MKLN1: variants seen among roughly 807,000 people sequenced by gnomAD.
The protein encoded by MKLN1 is muskelin 1.
In MKLN1, 18 loss-of-function variants were observed where a neutral mutation model predicts 99.0. The ratio of observed to expected loss-of-function variants is 0.18; its 90% CI spans 0.13 to 0.27. MKLN1 has a LOEUF of 0.27. Among genes scored for constraint, MKLN1 ranks in the 10% least tolerant of loss-of-function variants. The pLI is 1.00. For synonymous variants in MKLN1, 288 were observed against 293.2 expected (o/e 0.98, Z 0.18); for missense variants, 621 against 875.9 (o/e 0.71, Z 3.67).
At chr7:131,340,886 A>C (rs1348199484) in intron 1 of MKLN1, among the ~76,000 whole-genome samples, 1 of 152,152 alleles carries the variant, frequency 6.6e-6, no homozygotes, top group Non-Finnish European at 1.5e-5. Context: ...CTTAAGTGAA[A>C]TTGGTTATAT....
rs1584712846 is a variant in MKLN1, at chr7:131,411,481, AAAG to A, written c.781+103_781+105del. On this transcript the variant is annotated intron_variant, in intron 7 of 17. Transcript: ENST00000352689. ...AGTATCATAGTACTAAGTTAATAAA[AAAG>A]AAGATGTTGGCCAGTTGCAGTGGCT... The A allele has an allele frequency of 4.8e-6, 4 of 833,466 alleles. No individual in the cohort carries two copies. In the East Asian group the frequency reaches 1.0e-4, roughly 22 times the overall value. The allele number at this position is 833,466 out of a possible 1,614,324, so 51.6% of individuals were successfully genotyped here.
intron 12 of MKLN1, among the ~76,000 whole-genome samples, chr7:131,447,699 A>G (rs1157110096): frequency 1.3e-5 from 2 of 152,242 alleles, no homozygotes; most frequent in Non-Finnish European, 2.9e-5. Context: ...ATACAAGGCA[A>G]TCACAGTCTC....
chr7:131,233,198 A>G lies in MKLN1; in HGVS notation c.-179+30224A>G, dbSNP rs558116713. On this transcript the variant is annotated intron_variant, in intron 3 of 7. Transcript: ENST00000416992. Reference sequence around the variant, plus strand: ...TGGCAAAAAACAAACAAACAAAAAAACAAAGCAAAACCCAAAAATGAAATT... The same window carrying G: ...TGGCAAAAAACAAACAAACAAAAAAGCAAAGCAAAACCCAAAAATGAAATT... Among the ~76,000 whole-genome samples, 5 of 152,084 alleles carry G rather than the reference A, an allele frequency of 3.3e-5. No individual in the cohort carries two copies. In the East Asian group the frequency reaches 9.7e-4, roughly 29 times the overall value.
intron 2 of MKLN1, among the ~76,000 whole-genome samples, chr7:131,175,864 C>T (rs995087902): frequency 1.1e-4 from 16 of 151,880 alleles, no homozygotes; most frequent in Non-Finnish European, 1.9e-4. Context: ...TGCACCATTG[C>T]ACTCCAGCCT....
At chr7:131,160,464 ATGTT>A (rs1045612510) in intron 2 of MKLN1, among the ~76,000 whole-genome samples, 1 of 148,314 alleles carries the variant, frequency 6.7e-6, no homozygotes, top group African/African-American at 2.5e-5. Context: ...AGGGAACTCT[ATGTT>A]TAACTTATTT....
intron 8 of MKLN1, among the ~76,000 whole-genome samples, chr7:131,428,393 T>C (rs1160277554): frequency 6.6e-6 from 1 of 152,082 alleles, no homozygotes; most frequent in Non-Finnish European, 1.5e-5. Flanking sequence ...TCTGGAAAAA[T>C]TTCTCCCAGT....
intron 16 of MKLN1, among the ~76,000 whole-genome samples, chr7:131,474,964 G>C (rs1287413031): frequency 6.6e-6 from 1 of 152,056 alleles, no homozygotes; most frequent in East Asian, 1.9e-4. Flanking sequence ...TGACAATGAG[G>C]GGGGAAATGC....
chr7:131,420,303 G>A (rs773082789), intron 8 of MKLN1, among the ~76,000 whole-genome samples: 1 of 151,862 alleles, frequency 6.6e-6, no homozygotes, highest in Non-Finnish European at 1.5e-5. Context: ...GGGAGCACAT[G>A]GTGGCAGGGA....
chr7:131,197,382 TTATTATTA>T lies in MKLN1; in HGVS notation c.-296-5473_-296-5466del, dbSNP rs1404153462. 6.7e-4 allele frequency among the ~76,000 whole-genome samples: 5 copies of T among 7,502 alleles called. No homozygotes were observed. The East Asian group carries it at 0.027, about 40-fold the overall frequency. The allele number at this position is 7,502 out of a possible 152,430, so 4.9% of individuals were successfully genotyped here. On this transcript the variant is annotated intron_variant, in intron 2 of 7. Transcript: ENST00000416992. Reference sequence around the variant, plus strand: ...CCATGCCCAGTTAATTAAAATTTTATTATTATTATTATTATTATTATTATTATTATTAT... The same window carrying T: ...CCATGCCCAGTTAATTAAAATTTTATTTATTATTATTATTATTATTATTAT...
chr7:131,480,574 T>C (rs1797094392), intron 17 of MKLN1, among the ~76,000 whole-genome samples: 1 of 152,206 alleles, frequency 6.6e-6, no homozygotes, highest in African/African-American at 2.4e-5. Flanking sequence ...AGCAGACTGC[T>C]ATAAACGTGA....
At position 131,478,663 on chromosome 7, in the gene MKLN1, AT is replaced by A; in HGVS notation, c.2076del (p.Phe692LeufsTer23). 6.3e-7 allele frequency: 1 copy of A among 1,580,308 alleles called. No individual in the cohort carries two copies. Reference protein sequence around the residue: ...LASALFKSGSDFTALGFSDVD... With the variant: ...LASALFKSGSXFTALGFSDVD... ...TCAGCTCTATTCAAATCTGGTTCAG[AT>A]TTTACAGCTCTGGGTAAGTATTGCA... On this transcript the variant is annotated frameshift_variant, in exon 17 of 18. Transcript: ENST00000352689. LOFTEE classifies it high-confidence loss of function.
chr7:131,453,009 T>C (rs115496018), intron 12 of MKLN1, among the ~76,000 whole-genome samples: 3,329 of 152,306 alleles, frequency 0.022, 113 homozygotes, highest in African/African-American at 0.076. Flanking sequence ...GCTGTCAGTT[T>C]AGTATGTTTT....
chr7:131,112,756 G>A (rs1362035336), intron 1 of MKLN1, among the ~76,000 whole-genome samples: 2 of 152,212 alleles, frequency 1.3e-5, no homozygotes, highest in African/African-American at 2.4e-5. Context: ...TCAAAGTGGT[G>A]GAATGATGGA....
intron 3 of MKLN1, among the ~76,000 whole-genome samples, chr7:131,264,439 A>T (rs1334579058): frequency 6.6e-6 from 1 of 152,232 alleles, no homozygotes; most frequent in Non-Finnish European, 1.5e-5. Flanking sequence ...CTTGTCTTTT[A>T]GCTACTATAC....
chr7:131,114,543 A>C (rs1290836270), intron 1 of MKLN1, among the ~76,000 whole-genome samples: 1 of 152,198 alleles, frequency 6.6e-6, no homozygotes, highest in Non-Finnish European at 1.5e-5. Flanking sequence ...GGAAAGAAAA[A>C]ATACAGGGGA....
At chr7:131,431,048 A>T (rs146191691) in intron 9 of MKLN1, among the ~76,000 whole-genome samples, 34 of 152,220 alleles carry the variant, frequency 2.2e-4, no homozygotes, top group Non-Finnish European at 4.4e-4. Context: ...ACATGGTGGA[A>T]CCCCATCTGC....
chr7:131,342,465 C>A (rs906255023), intron 1 of MKLN1, among the ~76,000 whole-genome samples: 1 of 152,074 alleles, frequency 6.6e-6, no homozygotes, highest in Non-Finnish European at 1.5e-5. Flanking sequence ...AGTTGAAACT[C>A]GGTGTTTTTT....
At position 131,443,655 on chromosome 7, in the gene MKLN1, C is replaced by A. The variant is rs747860521; in HGVS notation, c.1348C>A (p.Pro450Thr). The A allele has an allele frequency of 3.7e-6, 6 of 1,614,070 alleles. No individual in the cohort carries two copies. Among genetic ancestry groups the A allele is most frequent in the Non-Finnish European group, 4.2e-6 (5 of 1,179,918 alleles). ...TCGAGAGGACTCCTGTAATGCTGGG[C>A]CTGAGGACATCCAGTCTCGAATAGG... ...LLREDSCNAG[P>T]EDIQSRIGHC... The change falls in exon 11 of 18, where the codon CCT becomes ACT. Residue 450 changes from proline to threonine, a missense_variant. Pro to Thr is a conservative substitution (Grantham distance 38). This residue lies in a region of MKLN1 where 361 missense variants were observed against 540.8 expected (regional missense o/e 0.67). Transcript: ENST00000352689.
In MKLN1 at chr7:131,370,033, T is replaced by C. The variant is rs139361568; in HGVS notation, c.99-5391T>C. On this transcript the variant is annotated intron_variant, in intron 1 of 17. Transcript: ENST00000352689. The stretch of plus-strand genomic sequence containing the variant: ...TTGTATTTTTAGTATTAACGGGGTT[T>C]CACCATGTTAGCCAGGCTGGTCTCA... Among the ~76,000 whole-genome samples the C allele has an allele frequency of 3.5e-3, 531 of 152,350 alleles. 2 individuals are homozygous for C. Among genetic ancestry groups the C allele is most frequent in the African/African-American group, 0.012 (505 of 41,590 alleles).
Sources: allele counts gnomAD v4.1 joint callset (sites outside exome capture counted in the v4.1 genomes callset), GRCh38; gene constraint gnomAD v4.1.1; regional missense constraint gnomAD v4.1.1; transcripts MANE v1.5; gene names NCBI Gene and HGNC (gene_info 2026-07-23, HGNC 2026-07-21).